ZNF85: variants seen among roughly 807,000 people sequenced by gnomAD.
ZNF85 encodes the protein zinc finger protein 85, also known as zinc finger protein 85 (HPF4, HTF1).
A neutral mutation model predicts 53.9 loss-of-function variants in ZNF85; 50 were observed. The observed-to-expected ratio is 0.93, with a 90% CI of 0.74 to 1.17. The LOEUF is 1.17. Among genes scored for constraint, ZNF85 ranks in the 50% most tolerant of loss-of-function variants. ZNF85 has a pLI of 0.00. For missense variants in ZNF85, 747 were observed against 688.5 expected (o/e 1.08, Z -0.95); for synonymous variants, 225 against 226.1 (o/e 1.00, Z 0.04).
In ZNF85 at chr19:20,949,954, A is replaced by G. The variant is rs765001241; in HGVS notation, c.1440A>G (p.Lys480=). The change falls in exon 4 of 4, where the codon AAA becomes AAG. Residue 480 remains lysine (K), a synonymous_variant. Transcript: ENST00000328178. ...ATAAGAAAAGTCATACAGAAGAGAAACCTTACAAATGTGAAGAATGTGGCA... is the reference window on the plus strand; with the variant it reads ...ATAAGAAAAGTCATACAGAAGAGAAGCCTTACAAATGTGAAGAATGTGGCA... The part of the protein sequence containing the change: ...TRHKKSHTEE[K]PYKCEECGKG... 6.2e-7 allele frequency: 1 copy of G among 1,612,696 alleles called. No individual in the cohort carries two copies. The highest frequency in any genetic ancestry group is 8.5e-7 in the Non-Finnish European group (1 of 1,179,228).
intron 1 of ZNF85, 144 bp downstream of exon 1, chr19:20,923,547 C>T (rs1972808097): frequency 7.2e-7 from 1 of 1,391,350 alleles, no homozygotes; most frequent in Non-Finnish European, 9.9e-7. Context: ...GCCCCAGTTC[C>T]TCCAGCCATA....
At chr19:20,933,249 G>T (rs551273452) in intron 1 of ZNF85, among the ~76,000 whole-genome samples, 8 of 151,594 alleles carry the variant, frequency 5.3e-5, no homozygotes, top group African/African-American at 1.9e-4. Context: ...GATTCACTTG[G>T]TTAAAGAGCT....
At chr19:20,935,962 A>C (rs752334314) in intron 3 of ZNF85, among the ~76,000 whole-genome samples, 1 of 152,094 alleles carries the variant, frequency 6.6e-6, no homozygotes, top group African/African-American at 2.4e-5. Context: ...TTTAAAATTT[A>C]TTTGTGTCTT....
intron 3 of ZNF85, chr19:20,937,138 T>TC (rs1417618962): frequency 3.4e-6 from 1 of 292,302 alleles, no homozygotes; most frequent in Non-Finnish European, 6.9e-6. Flanking sequence ...GTTCAAGTAT[T>TC]CCCCTGCCTC....
intron 3 of ZNF85, among the ~76,000 whole-genome samples, chr19:20,937,643 C>T (rs1973190746): frequency 6.6e-6 from 1 of 152,166 alleles, no homozygotes; most frequent in Non-Finnish European, 1.5e-5. Flanking sequence ...ATGGCTTTCA[C>T]TGAATACCAG....
At chr19:20,937,317 T>C (rs1973183078) in intron 3 of ZNF85, 1 of 456,028 alleles carries the variant, frequency 2.2e-6, no homozygotes, top group Non-Finnish European at 4.4e-6. Flanking sequence ...GACATGAGCC[T>C]CAGCGCCCAG....
Position 20,950,383 on chromosome 19 carries a change from A to G in ZNF85, c.*81A>G. 3 of 981,914 alleles carry G rather than the reference A, an allele frequency of 3.1e-6. No individual in the cohort carries two copies. The South Asian group carries it at 6.7e-5, about 22-fold the overall frequency. The allele number at this position is 981,914 out of a possible 1,614,324, so 60.8% of individuals were successfully genotyped here. A position where few individuals can be genotyped will look rare whatever the true frequency, so the allele number is the denominator to read the frequency against. The stretch of plus-strand genomic sequence containing the variant: ...ATACTGGAGAGAAACTACTAACCTG[A>G]AAGATGTGACAATAATTTTGACAAC... On this transcript the variant is annotated 3_prime_UTR_variant, in exon 4 of 4. Transcript: ENST00000328178.
In ZNF85 at chr19:20,950,009, A is replaced by G. The variant is rs779193241; in HGVS notation, c.1495A>G (p.Ile499Val). The G allele has an allele frequency of 2.9e-5, 47 of 1,613,026 alleles. 1 individual carries two copies. In the South Asian group the frequency reaches 4.5e-4, roughly 15 times the overall value. ...TTTTAAATGGCCCTCAACCCTTACT[A>G]TCCATAAGATAATTCATACTGGAGA... is the stretch of plus-strand genomic sequence containing the variant. ...KGFKWPSTLT[I>V]HKIIHTGEKP... The change falls in exon 4 of 4, where the codon ATC (isoleucine) becomes GTC (valine). Residue 499 changes from isoleucine (I) to valine (V), a missense_variant. By Grantham distance (29) the Ile-to-Val change is conservative (BLOSUM62 3). Coordinates refer to ENST00000328178, the MANE Select transcript of ZNF85 (RefSeq NM_003429.5).
chr19:20,948,985 A>G lies in ZNF85; in HGVS notation c.471A>G (p.Lys157=). 2 of 1,613,592 alleles carry G rather than the reference A, an allele frequency of 1.2e-6. No individual in the cohort carries two copies. Among genetic ancestry groups the G allele is most frequent in the South Asian group, 2.2e-5 (2 of 90,970 alleles). The stretch of plus-strand genomic sequence containing the variant: ...ATAAATATGTAAAAGTCGCTCATAA[A>G]TTTTCAAATTCAAACAGACATGAGA... ...QCDKYVKVAH[K]FSNSNRHEIR... Residue 157 remains lysine, a synonymous_variant, in exon 4 of 4, where the codon AAA becomes AAG. Coordinates refer to ENST00000328178, the MANE Select transcript of ZNF85 (RefSeq NM_003429.5).
chr19:20,943,445 T>C (rs1452514616), intron 3 of ZNF85: 1 of 152,222 alleles, frequency 6.6e-6, no homozygotes, highest in Non-Finnish European at 1.5e-5. Context: ...ATGTGATATG[T>C]CCAGTTACTG....
chr19:20,950,186 A>G lies in ZNF85; in HGVS notation c.1672A>G (p.Arg558Gly). The change falls in exon 4 of 4, where the codon AGA becomes GGA. Residue 558 changes from arginine (R) to glycine (G), a missense_variant. By Grantham distance (125) the Arg-to-Gly change is moderately radical (BLOSUM62 -2). Coordinates refer to ENST00000328178, the MANE Select transcript of ZNF85 (RefSeq NM_003429.5). ...GTCCTCAAACCTTACTAAACATAAG[A>G]GAATTCATACTGGAGAAAAACCTTA... ...NQSSNLTKHK[R>G]IHTGEKPYKC... The G allele has an allele frequency of 6.2e-7, 1 of 1,613,292 alleles. No homozygotes were observed. The highest frequency in any genetic ancestry group is 1.1e-5 in the South Asian group (1 of 90,918).
At chr19:20,938,198 T>C (rs752906093) in intron 3 of ZNF85, among the ~76,000 whole-genome samples, 1 of 152,164 alleles carries the variant, frequency 6.6e-6, no homozygotes, top group African/African-American at 2.4e-5. Flanking sequence ...GCCTCCTAAG[T>C]AGCTAAAATT....
chr19:20,923,667 GTC>G (rs1297400389), intron 1 of ZNF85, among the ~76,000 whole-genome samples: 6 of 152,080 alleles, frequency 3.9e-5, no homozygotes, highest in South Asian at 4.2e-4. Context: ...GCAGCACCGC[GTC>G]TCTCCCAGAT....
chr19:20,946,999 T>G (rs1417916631), intron 3 of ZNF85, among the ~76,000 whole-genome samples: 1 of 151,410 alleles, frequency 6.6e-6, no homozygotes, highest in Non-Finnish European at 1.5e-5. Context: ...GATTCTTGTT[T>G]CTTTGTTCCC....
At chr19:20,941,626 A>C (rs1161353984) in intron 3 of ZNF85, among the ~76,000 whole-genome samples, 1 of 146,942 alleles carries the variant, frequency 6.8e-6, no homozygotes, top group African/African-American at 2.5e-5. Flanking sequence ...TAGTTCAATT[A>C]TTTGTTCATT....
chr19:20,923,595 GTC>G (rs1972810287), intron 1 of ZNF85, among the ~76,000 whole-genome samples, 192 bp downstream of exon 1: 2 of 152,160 alleles, frequency 1.3e-5, no homozygotes, highest in Admixed American at 6.5e-5. Context: ...CGGGCGTCCT[GTC>G]TCTTCCCTGC....
chr19:20,939,796 C>T (rs1380774086), intron 3 of ZNF85, among the ~76,000 whole-genome samples: 1 of 152,166 alleles, frequency 6.6e-6, no homozygotes, highest in Non-Finnish European at 1.5e-5. Context: ...CTTCTGGGTT[C>T]AAGCGATTCT....
chr19:20,925,948 T>A (rs1246341631), intron 1 of ZNF85, among the ~76,000 whole-genome samples: 1 of 152,210 alleles, frequency 6.6e-6, no homozygotes, highest in Admixed American at 6.5e-5. Flanking sequence ...TAGAAAAAAA[T>A]TAAAATCTAA....
chr19:20,928,862 C>G lies in ZNF85; in HGVS notation c.4-5162C>G, dbSNP rs921220891. The stretch of plus-strand genomic sequence containing the variant: ...CTTCCACCTACATTGCACTTTACCC[C>G]ACCCATGAAGTTTTTTTCTTTTAAC... On this transcript the variant is annotated intron_variant, in intron 1 of 3. Transcript: ENST00000328178. 16 of 152,238 alleles carry G rather than the reference C, an allele frequency of 1.1e-4. No individual in the cohort carries two copies. The East Asian group carries it at 1.2e-3, about 11-fold the overall frequency. 9.4% of individuals were successfully genotyped at this position (152,238 alleles called of 1,614,324 possible).
Sources: gnomAD v4.1 joint callset for allele counts (sites outside exome capture counted in the v4.1 genomes callset) on GRCh38, gnomAD v4.1.1 for gene constraint, MANE v1.5 for transcripts, NCBI Gene and HGNC (gene_info 2026-07-23, HGNC 2026-07-21) for gene names.